Variants in PJA2 observed in about 807,000 individuals in gnomAD.
The protein encoded by PJA2 is E3 ubiquitin-protein ligase Praja-2.
Under a neutral mutation model 69.3 loss-of-function variants are expected in PJA2, and 25 were observed. The ratio of observed to expected loss-of-function variants is 0.36; its 90% CI spans 0.26 to 0.50. PJA2 has a LOEUF of 0.50. Ranked by LOEUF, PJA2 falls within the 20% of genes least tolerant of loss-of-function variation. PJA2 has a pLI of 0.96. For synonymous variants in PJA2, 308 were observed against 277.8 expected (o/e 1.11, Z -1.08); for missense variants, 809 against 830.2 (o/e 0.97, Z 0.31).
At chr5:109,348,017 T>C (rs1240045723) in intron 7 of PJA2, among the ~76,000 whole-genome samples, 1 of 152,208 alleles carries the variant, frequency 6.6e-6, no homozygotes, top group Non-Finnish European at 1.5e-5. Flanking sequence ...CTGTTGAGCT[T>C]GAGCTCAGTG....
chr5:109,403,760 G>C (rs1348932553), intron 1 of PJA2, among the ~76,000 whole-genome samples: 5 of 88,382 alleles, frequency 5.7e-5, no homozygotes, highest in Non-Finnish European at 8.9e-5. Flanking sequence ...ATCCACTCAT[G>C]ATTTAAAAAA....
At position 109,378,685 on chromosome 5, in the gene PJA2, T is replaced by C. The variant is rs771108230; in HGVS notation, c.802A>G (p.Lys268Glu). 5 of 1,613,886 alleles carry C rather than the reference T, an allele frequency of 3.1e-6. No homozygotes were observed. The highest frequency in any genetic ancestry group is 3.4e-6 in the Non-Finnish European group (4 of 1,180,020). ...TCCTGGCTAGTATTATTTTGTTGTTTCGTACTAACCATTTCATCTTGAGAA... is the reference window on the plus strand; with the variant it reads ...TCCTGGCTAGTATTATTTTGTTGTTCCGTACTAACCATTTCATCTTGAGAA... ...RSSQDEMVST[K>E]QQNNTSQERQ... Residue 268 changes from lysine to glutamate, a missense_variant, in exon 4 of 10, where the codon AAA (lysine) becomes GAA (glutamate). Physicochemically the swap from Lys to Glu is moderately conservative, Grantham distance 56 (BLOSUM62 1). This residue lies in a region of PJA2 where 700 missense variants were observed against 639.5 expected (regional missense o/e 1.09). Transcript: ENST00000361189.
intron 5 of PJA2, among the ~76,000 whole-genome samples, chr5:109,363,831 G>A (rs1425821331): frequency 1.3e-5 from 2 of 152,056 alleles, no homozygotes; most frequent in Non-Finnish European, 2.9e-5. Context: ...GGAGATAAAG[G>A]AAGCATTTCA....
At chr5:109,348,180 G>A (rs143560859) in intron 7 of PJA2, among the ~76,000 whole-genome samples, 7 of 152,186 alleles carry the variant, frequency 4.6e-5, no homozygotes, top group African/African-American at 1.2e-4. Context: ...TTGATCTTAC[G>A]GCAACAGTGA....
intron 1 of PJA2, among the ~76,000 whole-genome samples, chr5:109,393,022 C>A (rs1051766024): frequency 1.3e-5 from 2 of 152,114 alleles, no homozygotes; most frequent in African/African-American, 4.8e-5. Flanking sequence ...TTTAAAATTT[C>A]CATTCATAAA....
intron 9 of PJA2, among the ~76,000 whole-genome samples, chr5:109,338,406 G>A (rs373544917): frequency 4.6e-5 from 7 of 152,200 alleles, no homozygotes; most frequent in South Asian, 2.1e-4. Context: ...TTGGGAGTCC[G>A]AGGTGGACAG....
Position 109,380,524 on chromosome 5 carries a change from T to A in PJA2, c.232+979A>T, listed in dbSNP as rs533749625. Among the ~76,000 whole-genome samples, 23 of 152,166 alleles carry A rather than the reference T, an allele frequency of 1.5e-4. No individual in the cohort carries two copies. In the South Asian group the frequency reaches 4.8e-3, roughly 32 times the overall value. On this transcript the variant is annotated intron_variant, in intron 3 of 9. Transcript: ENST00000361189. ...TAGGATAAAATTAAAAGAAGAAAAG[T>A]TGGCCGGGCACAATGGCCCATGTCT...
intron 1 of PJA2, 89 bp from the exon 2 acceptor site, chr5:109,383,609 T>C (rs1214929517): frequency 8.1e-5 from 40 of 496,868 alleles, no homozygotes; most frequent in Admixed American, 7.3e-5. Flanking sequence ...TGAAGTCTTA[T>C]AATAAAACTT....
chr5:109,392,835 C>G (rs1747313699), intron 1 of PJA2, among the ~76,000 whole-genome samples: 1 of 152,066 alleles, frequency 6.6e-6, no homozygotes, highest in Non-Finnish European at 1.5e-5. Flanking sequence ...CGGCCTGTTT[C>G]CCACAAAATG....
chr5:109,402,370 G>A (rs1747574370), intron 1 of PJA2, among the ~76,000 whole-genome samples: 1 of 152,110 alleles, frequency 6.6e-6, no homozygotes, highest in African/African-American at 2.4e-5. Flanking sequence ...AACACTAAAA[G>A]GAGGCTGGAG....
chr5:109,387,904 C>T (rs970834573), intron 1 of PJA2, among the ~76,000 whole-genome samples: 1 of 152,076 alleles, frequency 6.6e-6, no homozygotes, highest in African/African-American at 2.4e-5. Context: ...ACTGAACAAA[C>T]GAATGAATGA....
chr5:109,348,006 C>T (rs1762196035), intron 7 of PJA2, among the ~76,000 whole-genome samples: 1 of 152,142 alleles, frequency 6.6e-6, no homozygotes, highest in East Asian at 1.9e-4. Context: ...TTTGGTTACA[C>T]CTGTTGAGCT....
chr5:109,368,340 T>C (rs542433642), intron 5 of PJA2, among the ~76,000 whole-genome samples: 1 of 152,206 alleles, frequency 6.6e-6, no homozygotes, highest in South Asian at 2.1e-4. Context: ...TAAAGCCAAG[T>C]GGAGACATAT....
intron 1 of PJA2, among the ~76,000 whole-genome samples, chr5:109,384,911 G>C (rs532434130): frequency 6.6e-6 from 1 of 151,992 alleles, no homozygotes; most frequent in Non-Finnish European, 1.5e-5. Context: ...TCCACCTCAC[G>C]GGTTCAAGTG....
At chr5:109,341,831 G>C (rs1762069395) in intron 9 of PJA2, among the ~76,000 whole-genome samples, 7 of 105,602 alleles carry the variant, frequency 6.6e-5, no homozygotes, top group Admixed American at 8.9e-5. Flanking sequence ...AGGTGGGGGG[G>C]TCAGCCCCCC....
chr5:109,368,776 T>G, intron 4 of PJA2, 30 bp from the exon 5 acceptor site: 1 of 1,584,496 alleles, frequency 6.3e-7, no homozygotes, highest in Non-Finnish European at 8.6e-7. Context: ...TAAACTATCA[T>G]AATGTGTTCA....
chr5:109,342,338 C>A (rs1219393832), intron 9 of PJA2, among the ~76,000 whole-genome samples: 1 of 120,746 alleles, frequency 8.3e-6, no homozygotes, highest in Non-Finnish European at 1.8e-5. Flanking sequence ...GGGGGATCGG[C>A]CCCCCGCCCG....
intron 7 of PJA2, among the ~76,000 whole-genome samples, chr5:109,350,582 T>C (rs1762234184): frequency 6.6e-6 from 1 of 152,204 alleles, no homozygotes; most frequent in South Asian, 2.1e-4. Flanking sequence ...GAATATACTA[T>C]TTACTGAGAG....
In PJA2 at chr5:109,378,851, G is replaced by A. The variant is rs964894181; in HGVS notation, c.636C>T (p.Tyr212=). ...AGGGAACTGGTGGTGAAAGACCAGT[G>A]TATGCCTCTGCCTCTCTGTTTTCCA... The part of the protein sequence containing the change: ...FELENREAEA[Y]TGLSPPVPSF... The change falls in exon 4 of 10, where the codon TAC becomes TAT. Residue 212 remains tyrosine (Y), a synonymous_variant. Coordinates refer to ENST00000361189, the MANE Select transcript of PJA2 (RefSeq NM_014819.5). 6.2e-7 allele frequency: 1 copy of A among 1,613,948 alleles called. No homozygotes were observed. Among genetic ancestry groups the A allele is most frequent in the Admixed American group, 1.7e-5 (1 of 60,002 alleles).
Sources: allele counts gnomAD v4.1 joint callset (sites outside exome capture counted in the v4.1 genomes callset), GRCh38; gene constraint gnomAD v4.1.1; regional missense constraint gnomAD v4.1.1; transcripts MANE v1.5; gene names NCBI Gene and HGNC (gene_info 2026-07-23, HGNC 2026-07-21).